The following FGF3 variants were observed in gnomAD, a reference collection of about 807,000 sequenced individuals.
FGF3 encodes the protein fibroblast growth factor 3, also known as FGF-3.
In FGF3, 7 loss-of-function variants were observed where a neutral mutation model predicts 9.8. That is an observed-to-expected ratio of 0.72 (90% confidence interval 0.41 to 1.35). The LOEUF (loss-of-function observed/expected upper bound fraction) is 1.35, where lower values mean the gene tolerates loss of function less well. FGF3 is among the 40% of genes most tolerant of loss of function. The pLI is 0.01. For missense variants in FGF3, 390 were observed against 345.6 expected, an observed-to-expected ratio of 1.13 and a Z score of -1.02; for synonymous variants, 173 against 157.2, an observed-to-expected ratio of 1.10 and a Z score of -0.75.
At chr11:69,812,279 A>C (rs965105232) in intron 2 of FGF3, among the ~76,000 whole-genome samples, 2 of 152,034 alleles carry the variant, frequency 1.3e-5, no homozygotes, top group Non-Finnish European at 2.9e-5. Context: ...AGGCTCCCAG[A>C]CTGGACCGAG....
chr11:69,816,131 G>A (rs543985971), intron 2 of FGF3, among the ~76,000 whole-genome samples, 189 bp downstream of exon 2: 4 of 152,248 alleles, frequency 2.6e-5, no homozygotes, highest in South Asian at 4.1e-4. Context: ...GGTCACTCGC[G>A]GAGCAGCCTC....
In FGF3 at chr11:69,810,160, TG is replaced by T; in HGVS notation, c.*144del. 1 of 818,710 alleles carries T rather than the reference TG, an allele frequency of 1.2e-6. No individual in the cohort carries two copies. The highest frequency in any genetic ancestry group is 1.8e-6 in the Non-Finnish European group (1 of 541,222). The allele number at this position is 818,710 out of a possible 1,614,324, so 50.7% of individuals were successfully genotyped here. Reference sequence around the variant, plus strand: ...GACTTGGGCCCTCTTCAGTTCCCACTGGACCCTGATTTGAGCTGGCTCTGGA... The same window carrying T: ...GACTTGGGCCCTCTTCAGTTCCCACTGACCCTGATTTGAGCTGGCTCTGGA... On this transcript the variant is annotated 3_prime_UTR_variant, in exon 3 of 3. Coordinates refer to ENST00000334134, the MANE Select transcript of FGF3 (RefSeq NM_005247.4).
At position 69,818,948 on chromosome 11, in the gene FGF3, C is replaced by T. The variant is rs1554981470; in HGVS notation, c.-15G>A. 1.4e-6 allele frequency: 2 copies of T among 1,450,488 alleles called. No homozygotes were observed. The highest frequency in any genetic ancestry group is 2.5e-4 in the Middle Eastern group (1 of 4,070). 89.9% of individuals were successfully genotyped at this position (1,450,488 alleles called of 1,614,324 possible). On this transcript the variant is annotated 5_prime_UTR_variant, in exon 1 of 3. Coordinates refer to ENST00000334134, the MANE Select transcript of FGF3 (RefSeq NM_005247.4). ...ATTAGGCCCATCGTGGCATCGCGCCCGCCCCGCGGCGGCGGCGGCTGCAGG... is the reference window on the plus strand; with the variant it reads ...ATTAGGCCCATCGTGGCATCGCGCCTGCCCCGCGGCGGCGGCGGCTGCAGG...
At chr11:69,817,424 C>A (rs1554981209) in intron 1 of FGF3, 1 of 152,312 alleles carries the variant, frequency 6.6e-6, no homozygotes, top group Non-Finnish European at 1.5e-5. Context: ...AAGCACGAGT[C>A]TCGACGCAGG....
chr11:69,810,503 C>G lies in FGF3; in HGVS notation c.522G>C (p.Lys174Asn), dbSNP rs782745138. Residue 174 changes from lysine (K) to asparagine (N), a missense_variant, in exon 3 of 3, where the codon AAG becomes AAC. Coordinates refer to ENST00000334134, the MANE Select transcript of FGF3 (RefSeq NM_005247.4). ...GCACGCGGGGCAGGAACAGGGAGGA[C>G]TTCTGTGTGCGGCGGGTCTTGAAGC... ...RRGFKTRRTQ[K>N]SSLFLPRVLD... is the part of the protein sequence containing the mutation. The G allele has an allele frequency of 6.2e-7, 1 of 1,610,882 alleles. No homozygotes were observed. The highest frequency in any genetic ancestry group is 1.3e-5 in the African/African-American group (1 of 75,052).
chr11:69,813,768 G>GTGAATGGA (rs1856072125), intron 2 of FGF3, among the ~76,000 whole-genome samples: 1 of 68,076 alleles, frequency 1.5e-5, no homozygotes, highest in Non-Finnish European at 2.8e-5. Context: ...GGGTGGATGG[G>GTGAATGGA]TGGATGGATG....
At chr11:69,813,234 G>T (rs1338656776) in intron 2 of FGF3, among the ~76,000 whole-genome samples, 7 of 152,190 alleles carry the variant, frequency 4.6e-5, no homozygotes, top group Admixed American at 3.3e-4. Context: ...CTGGAGGAGG[G>T]CGTTCCAGGC....
chr11:69,818,769 G>A lies in FGF3; in HGVS notation c.165C>T (p.His55=). The A allele has an allele frequency of 2.7e-6, 4 of 1,497,316 alleles. No individual in the cohort carries two copies. The highest frequency in any genetic ancestry group is 3.5e-6 in the Non-Finnish European group (4 of 1,129,968). The allele number at this position is 1,497,316 out of a possible 1,614,324, so 92.8% of individuals were successfully genotyped here. ...CGCGGCCGCTCGGGTGCAGCTGGAG[G>A]TGGTACTTCGTGGCGCAGTAGAGCT... The part of the protein sequence containing the change: ...RRKLYCATKY[H]LQLHPSGRVN... Residue 55 remains histidine (H), a synonymous_variant, in exon 1 of 3, where the codon CAC becomes CAT. Coordinates refer to ENST00000334134, the MANE Select transcript of FGF3 (RefSeq NM_005247.4).
At position 69,818,882 on chromosome 11, in the gene FGF3, C is replaced by A. The variant is rs1554981434; in HGVS notation, c.52G>T (p.Ala18Ser). ...CGCAACCGCGCCCCAGGGCCCGCTG[C>A]GGGCCAGCCGGGCTCCAGCAGGCTG... ...LLSLLEPGWP[A>S]AGPGARLRRD... The change falls in exon 1 of 3, where the codon GCA becomes TCA. Residue 18 changes from alanine (A) to serine (S), a missense_variant. Coordinates refer to ENST00000334134, the MANE Select transcript of FGF3 (RefSeq NM_005247.4). 2 of 1,461,806 alleles carry A rather than the reference C, an allele frequency of 1.4e-6. No homozygotes were observed. Among genetic ancestry groups the A allele is most frequent in the South Asian group, 1.3e-5 (1 of 76,362 alleles). 90.6% of individuals were successfully genotyped at this position (1,461,806 alleles called of 1,614,324 possible).
chr11:69,814,521 C>T (rs1856096700), intron 2 of FGF3, among the ~76,000 whole-genome samples: 1 of 152,006 alleles, frequency 6.6e-6, no homozygotes, highest in Admixed American at 6.6e-5. Context: ...GGGTGCAGTG[C>T]TCACTGGCCC....
At chr11:69,810,784 C>T in intron 2 of FGF3, 84 bp from the exon 3 acceptor site, 1 of 1,284,430 alleles carries the variant, frequency 7.8e-7, no homozygotes, top group South Asian at 1.6e-5. Flanking sequence ...CCTCCCTCCC[C>T]TCCTGTGAGG....
intron 2 of FGF3, among the ~76,000 whole-genome samples, chr11:69,814,398 A>G (rs1332488396): frequency 6.6e-6 from 1 of 151,668 alleles, no homozygotes; most frequent in East Asian, 1.9e-4. Flanking sequence ...GCGATGATTA[A>G]GATGGGGAGT....
At chr11:69,818,668 C>A in intron 1 of FGF3, 46 bp downstream of exon 1, 1 of 1,402,708 alleles carries the variant, frequency 7.1e-7, no homozygotes, top group South Asian at 1.4e-5. Flanking sequence ...GGCCCGACCC[C>A]TCCCGGCGCC....
At chr11:69,812,683 C>A (rs56364964) in intron 2 of FGF3, among the ~76,000 whole-genome samples, 29,964 of 152,060 alleles carry the variant, frequency 0.2, 3,614 homozygotes, top group East Asian at 0.39. Flanking sequence ...ACTGGGTACA[C>A]CATGTTAGTG....
intron 2 of FGF3, 68 bp downstream of exon 2, chr11:69,816,252 C>T: frequency 8.3e-7 from 1 of 1,211,604 alleles, no homozygotes; most frequent in Non-Finnish European, 1.2e-6. Flanking sequence ...ATCCCCCGTC[C>T]CCTGGCTTGA....
At chr11:69,817,807 C>G (rs1340038771) in intron 1 of FGF3, among the ~76,000 whole-genome samples, 1 of 152,344 alleles carries the variant, frequency 6.6e-6, no homozygotes, top group East Asian at 1.9e-4. Context: ...ACGCGGTCCT[C>G]CCGGGCCCTG....
At chr11:69,814,357 C>G (rs536473992) in intron 2 of FGF3, among the ~76,000 whole-genome samples, 3 of 151,970 alleles carry the variant, frequency 2.0e-5, no homozygotes, top group African/African-American at 7.2e-5. Context: ...GACTCCCAGC[C>G]CACTCTGGGT....
intron 1 of FGF3, among the ~76,000 whole-genome samples, chr11:69,816,796 A>G (rs1174574891): frequency 6.6e-6 from 1 of 152,220 alleles, no homozygotes; most frequent in Non-Finnish European, 1.5e-5. Context: ...GCCCCTGCAC[A>G]TGTGCTTGAG....
Position 69,819,166 on chromosome 11 carries a change from T to G in FGF3, c.-233A>C. ...GAGAGGGAACGCGAGTCCCTTTAAT[T>G]TCCACCCAGGAGCAATGAAATTTCC... is the stretch of plus-strand genomic sequence containing the variant. On this transcript the variant is annotated 5_prime_UTR_variant, in exon 1 of 3. Coordinates refer to ENST00000334134, the MANE Select transcript of FGF3 (RefSeq NM_005247.4). 1.9e-5 allele frequency: 7 copies of G among 373,480 alleles called. No homozygotes were observed. Among genetic ancestry groups the G allele is most frequent in the Non-Finnish European group, 2.4e-5 (5 of 209,812 alleles). 23.1% of individuals were successfully genotyped at this position (373,480 alleles called of 1,614,324 possible).
Sources: allele counts gnomAD v4.1 joint callset (sites outside exome capture counted in the v4.1 genomes callset), GRCh38; gene constraint gnomAD v4.1.1; transcripts MANE v1.5; gene names NCBI Gene and HGNC (gene_info 2026-07-23, HGNC 2026-07-21).